ENTREP2: variants seen among roughly 807,000 people sequenced by gnomAD.
The protein encoded by ENTREP2 is endosomal transmembrane epsin interactor 2.
chr15:29,206,310 G>T, the ENTREP2 span, among the ~76,000 whole-genome samples: 1 of 152,086 alleles, frequency 6.6e-6, no homozygotes. Context: ...CCACCCACAT[G>T]ACCTAATCAC....
At chr15:29,479,413 G>A in the ENTREP2 span, among the ~76,000 whole-genome samples, 3 of 152,070 alleles carry the variant, frequency 2.0e-5, no homozygotes, top group Admixed American at 6.5e-5. Flanking sequence ...CCCAGGGTCA[G>A]GTATTTCTTT....
the ENTREP2 span, among the ~76,000 whole-genome samples, chr15:29,619,865 G>A: frequency 6.6e-6 from 1 of 151,914 alleles, no homozygotes; most frequent in South Asian, 2.1e-4. Flanking sequence ...TGGTTTCTGG[G>A]CCATCTCTCA....
chr15:29,469,058 C>T, the ENTREP2 span, among the ~76,000 whole-genome samples: 1 of 152,140 alleles, frequency 6.6e-6, no homozygotes, highest in Non-Finnish European at 1.5e-5. Context: ...GGTGGTTCCA[C>T]CCCATCCCGA....
chr15:29,657,190 C>G, the ENTREP2 span, among the ~76,000 whole-genome samples: 1 of 151,766 alleles, frequency 6.6e-6, no homozygotes, highest in African/African-American at 2.4e-5. Context: ...TGGGACTACA[C>G]GCGCCCACCA....
the ENTREP2 span, among the ~76,000 whole-genome samples, chr15:29,636,252 A>C: frequency 1.3e-5 from 2 of 152,254 alleles, no homozygotes; most frequent in East Asian, 3.9e-4. Context: ...GCTGTGGACG[A>C]GGGGCGTTTC....
At chr15:29,620,176 C>T in the ENTREP2 span, among the ~76,000 whole-genome samples, 1 of 152,134 alleles carries the variant, frequency 6.6e-6, no homozygotes, top group Non-Finnish European at 1.5e-5. Flanking sequence ...GACAAGCTCA[C>T]CCTGGAGAAT....
the ENTREP2 span, among the ~76,000 whole-genome samples, chr15:29,142,955 A>G: frequency 6.6e-6 from 1 of 152,222 alleles, no homozygotes; most frequent in African/African-American, 2.4e-5. Context: ...TATCATCAGA[A>G]TGTCTTTTGC....
chr15:29,352,084 G>T, the ENTREP2 span, among the ~76,000 whole-genome samples: 1 of 152,100 alleles, frequency 6.6e-6, no homozygotes, highest in African/African-American at 2.4e-5. Context: ...ACAGGTGTGT[G>T]CAACCATACC....
At chr15:29,565,681 C>T in the ENTREP2 span, among the ~76,000 whole-genome samples, 215 of 152,108 alleles carry the variant, frequency 1.4e-3, no homozygotes, top group Middle Eastern at 3.4e-3. Flanking sequence ...AAACATTTTC[C>T]GGCCGGGTGC....
the ENTREP2 span, among the ~76,000 whole-genome samples, chr15:29,254,236 C>A: frequency 6.8e-6 from 1 of 147,108 alleles, no homozygotes; most frequent in Non-Finnish European, 1.5e-5. Flanking sequence ...TTATTTCTGC[C>A]TTTCAATGTC....
the ENTREP2 span, among the ~76,000 whole-genome samples, chr15:29,638,182 A>G: frequency 6.6e-6 from 1 of 152,254 alleles, no homozygotes; most frequent in Non-Finnish European, 1.5e-5. Context: ...AGGCTCTGCC[A>G]GCAAAAAACA....
At chr15:29,410,727 C>G in the ENTREP2 span, among the ~76,000 whole-genome samples, 1 of 152,166 alleles carries the variant, frequency 6.6e-6, no homozygotes, top group African/African-American at 2.4e-5. Flanking sequence ...TTGCACACAG[C>G]TATAGTTTAT....
chr15:29,242,288 C>T, the ENTREP2 span, among the ~76,000 whole-genome samples: 98 of 152,120 alleles, frequency 6.4e-4, no homozygotes, highest in Non-Finnish European at 1.0e-3. Context: ...AGGCTGGTCT[C>T]GAACTCTTGA....
chr15:29,513,660 T>G, the ENTREP2 span, among the ~76,000 whole-genome samples: 2 of 152,328 alleles, frequency 1.3e-5, no homozygotes, highest in Non-Finnish European at 1.5e-5. Context: ...GTGCTCCACT[T>G]TGAAAACAAA....
the ENTREP2 span, among the ~76,000 whole-genome samples, chr15:29,128,489 T>C: frequency 1.3e-5 from 2 of 152,062 alleles, no homozygotes; most frequent in Non-Finnish European, 2.9e-5. Flanking sequence ...CGTGCTCTTC[T>C]TCAAATCCAT....
At chr15:29,335,417 T>C in the ENTREP2 span, among the ~76,000 whole-genome samples, 41 of 152,284 alleles carry the variant, frequency 2.7e-4, no homozygotes, top group Admixed American at 2.6e-3. Flanking sequence ...GTACCCCAAG[T>C]TCATACTCTT....
the ENTREP2 span, among the ~76,000 whole-genome samples, chr15:29,139,728 T>G: frequency 6.6e-6 from 1 of 152,172 alleles, no homozygotes; most frequent in Non-Finnish European, 1.5e-5. Flanking sequence ...TTCGGGGACA[T>G]GTTGGCCCCA....
chr15:29,311,916 C>T, the ENTREP2 span, among the ~76,000 whole-genome samples: 1 of 152,110 alleles, frequency 6.6e-6, no homozygotes. Context: ...AGCATATAGT[C>T]CATCCTGTTA....
the ENTREP2 span, among the ~76,000 whole-genome samples, chr15:29,559,103 A>G: frequency 1.3e-5 from 2 of 152,148 alleles, no homozygotes; most frequent in African/African-American, 4.8e-5. Context: ...CGTAGTACCC[A>G]TTCCCCAGGG....
Sources: gnomAD v4.1 joint callset for allele counts (sites outside exome capture counted in the v4.1 genomes callset) on GRCh38, gnomAD v4.1.1 for gene constraint, MANE v1.5 for transcripts, NCBI Gene and HGNC (gene_info 2026-07-23, HGNC 2026-07-21) for gene names.